The following TMEM132C variants were observed in gnomAD, a reference collection of about 807,000 sequenced individuals.
TMEM132C encodes transmembrane protein 132C.
Under a neutral mutation model 61.4 loss-of-function variants are expected in TMEM132C, and 29 were observed. The ratio of observed to expected loss-of-function variants is 0.47; its 90% confidence interval spans 0.35 to 0.64. The LOEUF (loss-of-function observed/expected upper bound fraction) is 0.64. TMEM132C is among the 30% of genes least tolerant of loss of function. The pLI, the probability that TMEM132C is intolerant of heterozygous loss-of-function variation, is 0.00. For synonymous variants in TMEM132C, 656 were observed against 633.1 expected (o/e 1.04, Z -0.54); for missense variants, 1,408 against 1,476.9 (o/e 0.95, Z 0.76).
intron 5 of TMEM132C, among the ~76,000 whole-genome samples, chr12:128,692,206 C>T (rs1954725585): frequency 6.6e-6 from 1 of 152,258 alleles, no homozygotes; most frequent in Non-Finnish European, 1.5e-5. Context: ...ATCTGTTCAT[C>T]CTTTCCTCCA....
At chr12:128,368,887 T>C (rs1873950262) in intron 1 of TMEM132C, among the ~76,000 whole-genome samples, 1 of 152,126 alleles carries the variant, frequency 6.6e-6, no homozygotes, top group African/African-American at 2.4e-5. Flanking sequence ...AGAGAGGCTT[T>C]GGGGAACTGA....
intron 3 of TMEM132C, among the ~76,000 whole-genome samples, chr12:128,592,222 A>G (rs1040074711): frequency 5.9e-5 from 9 of 152,166 alleles, no homozygotes; most frequent in African/African-American, 2.2e-4. Flanking sequence ...GCTGCGCCTA[A>G]GGTCATCACA....
chr12:128,559,636 A>T (rs1874448046), intron 3 of TMEM132C, among the ~76,000 whole-genome samples: 2 of 152,152 alleles, frequency 1.3e-5, no homozygotes, highest in Non-Finnish European at 2.9e-5. Context: ...CTCAGAAATG[A>T]CTTGGCTATT....
chr12:128,542,381 C>T (rs1873788313), intron 2 of TMEM132C, among the ~76,000 whole-genome samples: 2 of 152,164 alleles, frequency 1.3e-5, no homozygotes, highest in Admixed American at 1.3e-4. Flanking sequence ...TCTCAGCTCG[C>T]TGCAACCTCC....
chr12:128,347,417 C>G (rs1442630269), intron 1 of TMEM132C, among the ~76,000 whole-genome samples: 1 of 151,234 alleles, frequency 6.6e-6, no homozygotes, highest in Non-Finnish European at 1.5e-5. Flanking sequence ...CTCTCTCTCT[C>G]TCTCTCTCTC....
intron 4 of TMEM132C, among the ~76,000 whole-genome samples, chr12:128,645,307 G>T (rs754299123): frequency 1.3e-5 from 2 of 152,090 alleles, no homozygotes; most frequent in Admixed American, 1.3e-4. Flanking sequence ...GGCCAACTGG[G>T]TCTTTCTGAT....
chr12:128,692,857 T>G (rs1954730061), intron 5 of TMEM132C, among the ~76,000 whole-genome samples: 1 of 152,218 alleles, frequency 6.6e-6, no homozygotes, highest in Non-Finnish European at 1.5e-5. Context: ...ATTTTTTTAG[T>G]CTGTGTGTTT....
intron 1 of TMEM132C, among the ~76,000 whole-genome samples, chr12:128,394,198 T>C (rs112046420): frequency 7.9e-5 from 12 of 152,200 alleles, no homozygotes; most frequent in African/African-American, 2.9e-4. Flanking sequence ...CTTACTACCA[T>C]GAGAACACCA....
At chr12:128,605,661 G>A (rs964849055) in intron 3 of TMEM132C, among the ~76,000 whole-genome samples, 1 of 152,178 alleles carries the variant, frequency 6.6e-6, no homozygotes, top group Non-Finnish European at 1.5e-5. Flanking sequence ...ACCACCTCCT[G>A]AGGCATCGGC....
chr12:128,622,354 AAAAAAAATATATATAT>A lies in TMEM132C; in HGVS notation c.1305+6021_1305+6036del, dbSNP rs1464837750. ...GTGAGACTTTGTCTCAAAAAAAAAA[AAAAAAAATATATATAT>A]ATATATATATATATATATATATATA... On this transcript the variant is annotated intron_variant, in intron 4 of 8. Transcript: ENST00000435159. Among the ~76,000 whole-genome samples the A allele has an allele frequency of 4.2e-4, 28 of 66,284 alleles. 1 individual carries two copies. Among genetic ancestry groups the A allele is most frequent in the African/African-American group, 1.7e-3 (27 of 15,984 alleles). The allele number at this position is 66,284 out of a possible 152,430, so 43.5% of individuals were successfully genotyped here. A position where few individuals can be genotyped will look rare whatever the true frequency, so the allele number is the denominator to read the frequency against.
chr12:128,421,326 T>A (rs1868979684), intron 2 of TMEM132C, among the ~76,000 whole-genome samples: 1 of 152,232 alleles, frequency 6.6e-6, no homozygotes, highest in Non-Finnish European at 1.5e-5. Context: ...CACCTATGGC[T>A]GCCGGTTAGA....
chr12:128,457,365 A>G (rs752307656), intron 2 of TMEM132C, among the ~76,000 whole-genome samples: 2 of 150,910 alleles, frequency 1.3e-5, no homozygotes, highest in Non-Finnish European at 2.9e-5. Context: ...TGAGGTCAGG[A>G]GATCAAGACC....
At chr12:128,373,246 T>C (rs977221262) in intron 1 of TMEM132C, among the ~76,000 whole-genome samples, 2 of 152,094 alleles carry the variant, frequency 1.3e-5, no homozygotes, top group African/African-American at 4.8e-5. Flanking sequence ...CATCATACTC[T>C]TGGTCAAGAA....
At chr12:128,578,005 T>G (rs1365644942) in intron 3 of TMEM132C, among the ~76,000 whole-genome samples, 1 of 152,254 alleles carries the variant, frequency 6.6e-6, no homozygotes, top group Non-Finnish European at 1.5e-5. Context: ...TATATTCAAA[T>G]TAACTCATTT....
At chr12:128,542,140 G>A (rs1279957269) in intron 2 of TMEM132C, among the ~76,000 whole-genome samples, 3 of 152,050 alleles carry the variant, frequency 2.0e-5, no homozygotes, top group Admixed American at 2.0e-4. Flanking sequence ...GGGCTCTTTG[G>A]TAGAAACTGT....
chr12:128,406,863 C>A (rs1014137763), intron 1 of TMEM132C, among the ~76,000 whole-genome samples: 1 of 152,306 alleles, frequency 6.6e-6, no homozygotes, highest in South Asian at 2.1e-4. Context: ...TAGAACCACA[C>A]AGCCAGGCAT....
At position 128,561,216 on chromosome 12, in the gene TMEM132C, T is replaced by C. The variant is rs539047705; in HGVS notation, c.1121+17113T>C. Among the ~76,000 whole-genome samples, 228 of 152,380 alleles carry C rather than the reference T, an allele frequency of 1.5e-3. 1 individual carries two copies. Among genetic ancestry groups the C allele is most frequent in the African/African-American group, 5.1e-3 (214 of 41,584 alleles). On this transcript the variant is annotated intron_variant, in intron 3 of 8. Transcript: ENST00000435159. ...GTTGTACTAGGCACTGCTGGACATA[T>C]AGACATTTTGTTAAGATGTCATTCC... is the stretch of plus-strand genomic sequence containing the variant.
intron 4 of TMEM132C, among the ~76,000 whole-genome samples, chr12:128,649,425 G>A (rs901136557): frequency 3.3e-5 from 5 of 152,200 alleles, no homozygotes; most frequent in African/African-American, 1.2e-4. Flanking sequence ...CAAAGGATCT[G>A]GGACATAGAC....
At chr12:128,542,860 A>AAAC (rs1491100324) in intron 2 of TMEM132C, among the ~76,000 whole-genome samples, 1 of 29,850 alleles carries the variant, frequency 3.4e-5, no homozygotes, top group Non-Finnish European at 9.7e-5. Flanking sequence ...ACTTCGATGC[A>AAAC]AAAAAAAAAA....
Sources: allele counts gnomAD v4.1 joint callset (sites outside exome capture counted in the v4.1 genomes callset), GRCh38; gene constraint gnomAD v4.1.1; transcripts MANE v1.5; gene names NCBI Gene and HGNC (gene_info 2026-07-23, HGNC 2026-07-21).